STAB2: variants seen among roughly 807,000 people sequenced by gnomAD.
STAB2 encodes the protein stabilin 2, also known as stabilin-2.
In STAB2, 288 loss-of-function variants were observed where a neutral mutation model predicts 338.1. The ratio of observed to expected loss-of-function variants is 0.85; its 90% CI spans 0.77 to 0.94. STAB2 has a LOEUF of 0.94. Ranked by LOEUF, STAB2 falls within the 40% of genes least tolerant of loss-of-function variation. The pLI is 0.00. For synonymous variants in STAB2, 1,202 were observed against 1,193.3 expected (o/e 1.01, Z -0.15); for missense variants, 3,141 against 3,210.1 (o/e 0.98, Z 0.52).
intron 43 of STAB2, among the ~76,000 whole-genome samples, chr12:103,716,091 C>G (rs1880291121): frequency 6.6e-6 from 1 of 152,190 alleles, no homozygotes; most frequent in Non-Finnish European, 1.5e-5. Context: ...GGTACTAGGA[C>G]AAGGGGCTTC....
chr12:103,637,828 C>T (rs1460934743), intron 7 of STAB2, among the ~76,000 whole-genome samples, 188 bp from the exon 8 acceptor site: 3 of 152,188 alleles, frequency 2.0e-5, no homozygotes, highest in Non-Finnish European at 4.4e-5. Context: ...AATATATCAA[C>T]ACAATATCTG....
chr12:103,670,874 G>A lies in STAB2; in HGVS notation c.2371+67G>A. 15 of 1,308,718 alleles carry A rather than the reference G, an allele frequency of 1.1e-5. No homozygotes were observed. In the South Asian group the frequency reaches 1.9e-4, roughly 16 times the overall value. 81.1% of individuals were successfully genotyped at this position (1,308,718 alleles called of 1,614,324 possible). ...GTTCCCTCTCGTGCTGCAGCAGGGTGCTGGTGCAGGGCTGGTGTCTCAGGA... is the reference window on the plus strand; with the variant it reads ...GTTCCCTCTCGTGCTGCAGCAGGGTACTGGTGCAGGGCTGGTGTCTCAGGA... On this transcript the variant is annotated intron_variant, in intron 22 of 68. Coordinates refer to ENST00000388887, the MANE Select transcript of STAB2 (RefSeq NM_017564.10).
intron 6 of STAB2, 149 bp downstream of exon 6, chr12:103,631,842 T>C: frequency 7.4e-6 from 5 of 678,058 alleles, no homozygotes; most frequent in East Asian, 2.7e-5. Context: ...AAAGAGAATA[T>C]AGAAGAGAAA....
chr12:103,668,710 A>G lies in STAB2; in HGVS notation c.2153A>G (p.Tyr718Cys). The part of the protein sequence containing the change: ...FGSLKSGCAR[Y>C]CNATVKIPKC... ...AGCCTGAAGAGCGGCTGTGCCCGGT[A>G]CTGCAATGCCACTGTGAAGGTGAGG... The change falls in exon 20 of 69, where the codon TAC (tyrosine) becomes TGC (cysteine). Residue 718 changes from tyrosine to cysteine, a missense_variant. Coordinates refer to ENST00000388887, the MANE Select transcript of STAB2 (RefSeq NM_017564.10). 6.5e-7 allele frequency: 1 copy of G among 1,548,706 alleles called. No homozygotes were observed. Among genetic ancestry groups the G allele is most frequent in the South Asian group, 1.2e-5 (1 of 83,960 alleles).
chr12:103,623,727 A>G (rs1957338785), intron 5 of STAB2, among the ~76,000 whole-genome samples: 1 of 152,178 alleles, frequency 6.6e-6, no homozygotes, highest in South Asian at 2.1e-4. Context: ...TGGTTTTAAG[A>G]CACTAGGTGT....
intron 12 of STAB2, among the ~76,000 whole-genome samples, chr12:103,653,710 A>AGATG (rs61343465): frequency 0.59 from 73,026 of 122,794 alleles, 22,282 homozygotes; most frequent in Non-Finnish European, 0.63. Context: ...ATGGATGGAT[A>AGATG]GATGGATGGA....
Position 103,759,265 on chromosome 12 carries a change from C to T in STAB2, c.7240C>T (p.Leu2414Phe), listed in dbSNP as rs780016567. 1.4e-5 allele frequency: 22 copies of T among 1,613,964 alleles called. No homozygotes were observed. In the African/African-American group the frequency reaches 2.8e-4, roughly 21 times the overall value. Residue 2414 changes from leucine to phenylalanine, a missense_variant, in exon 65 of 69, where the codon CTC (leucine) becomes TTC (phenylalanine). Coordinates refer to ENST00000388887, the MANE Select transcript of STAB2 (RefSeq NM_017564.10). ...GCTCATCACTGCCAGCCAGGACCCA[C>T]TCCAACCGGTACAAAGTCTTCTGGG... ...KLLITASQDP[L>F]QPTETRFVDG...
chr12:103,638,296 A>T (rs1582876), intron 8 of STAB2, 84 bp downstream of exon 8: 412 of 1,413,668 alleles, frequency 2.9e-4, no homozygotes, highest in Non-Finnish European at 3.7e-4. Flanking sequence ...CTTCTATGCC[A>T]TCCCAATTCT....
chr12:103,664,764 G>A (rs1874927503), intron 18 of STAB2, among the ~76,000 whole-genome samples: 1 of 152,204 alleles, frequency 6.6e-6, no homozygotes, highest in Admixed American at 6.5e-5. Context: ...TTTAATTGAT[G>A]TAATGACTCT....
chr12:103,694,630 A>G (rs1187973151), intron 31 of STAB2, among the ~76,000 whole-genome samples: 1 of 152,150 alleles, frequency 6.6e-6, no homozygotes, highest in East Asian at 1.9e-4. Flanking sequence ...TTTCTACTGT[A>G]GTATGCTGTG....
intron 59 of STAB2, among the ~76,000 whole-genome samples, chr12:103,749,551 CG>C (rs1883401083): frequency 6.6e-6 from 1 of 151,764 alleles, no homozygotes; most frequent in African/African-American, 2.4e-5. Flanking sequence ...AAAAGCTGGC[CG>C]GGCACGGTGG....
At chr12:103,703,570 G>A (rs1879091513) in intron 35 of STAB2, among the ~76,000 whole-genome samples, 1 of 152,104 alleles carries the variant, frequency 6.6e-6, no homozygotes. Context: ...GTGCTGTGTT[G>A]GGCAGGATTT....
intron 63 of STAB2, among the ~76,000 whole-genome samples, chr12:103,757,617 CAG>C (rs1308191597): frequency 3.3e-5 from 5 of 152,120 alleles, no homozygotes; most frequent in East Asian, 3.9e-4. Flanking sequence ...AAAGTGTAAA[CAG>C]GGGAGAGGGA....
intron 3 of STAB2, among the ~76,000 whole-genome samples, chr12:103,600,571 T>C (rs1956939105): frequency 6.6e-6 from 1 of 152,180 alleles, no homozygotes; most frequent in Admixed American, 6.5e-5. Context: ...CTGCAAACAC[T>C]ATCTCATTGG....
chr12:103,692,826 A>C lies in STAB2; in HGVS notation c.3312A>C (p.Glu1104Asp). ...TGCATTTACAGAATATCACAATTGA[A>C]GGGGCCTCCATTGTCGATGGGGACA... ...LAKVDGNITI[E>D]GASIVDGDNA... is the part of the protein sequence containing the mutation. Residue 1104 changes from glutamate to aspartate, a missense_variant, in exon 31 of 69, where the codon GAA becomes GAC. Transcript: ENST00000388887. The C allele has an allele frequency of 6.2e-7, 1 of 1,613,494 alleles. No homozygotes were observed. Among genetic ancestry groups the C allele is most frequent in the South Asian group, 1.1e-5 (1 of 91,014 alleles).
intron 9 of STAB2, among the ~76,000 whole-genome samples, chr12:103,641,126 C>T (rs75340905): frequency 0.011 from 1,701 of 152,300 alleles, 12 homozygotes; most frequent in Non-Finnish European, 0.019. Context: ...AACATCGAAC[C>T]ATAGCATGAT....
rs938880717 is a variant in STAB2 at position 103,733,918 on chromosome 12, ACAT to A, written c.5460+740_5460+742del. Among the ~76,000 whole-genome samples, 14 of 145,488 alleles carry A rather than the reference ACAT, an allele frequency of 9.6e-5. No individual in the cohort carries two copies. The South Asian group carries it at 2.2e-3, about 23-fold the overall frequency. Reference sequence around the variant, plus strand: ...AGCAAGCACAATCACATAGGAGCAAACATCATAAAGGAGCAAGCATGATCACAT... The same window carrying A: ...AGCAAGCACAATCACATAGGAGCAAACATAAAGGAGCAAGCATGATCACAT... On this transcript the variant is annotated intron_variant, in intron 51 of 68. Coordinates refer to ENST00000388887, the MANE Select transcript of STAB2 (RefSeq NM_017564.10).
intron 19 of STAB2, 55 bp from the exon 20 acceptor site, chr12:103,668,588 C>A: frequency 6.8e-7 from 1 of 1,475,810 alleles, no homozygotes; most frequent in Non-Finnish European, 9.2e-7. Context: ...GTGTGCAGTG[C>A]CTGGAGGACC....
At chr12:103,658,702 C>T (rs922985285) in intron 15 of STAB2, among the ~76,000 whole-genome samples, 2 of 152,134 alleles carry the variant, frequency 1.3e-5, no homozygotes, top group African/African-American at 4.8e-5. Flanking sequence ...CAGCTCAGTG[C>T]TCCTCCCAGG....
Sources: gnomAD v4.1 joint callset for allele counts (sites outside exome capture counted in the v4.1 genomes callset) on GRCh38, gnomAD v4.1.1 for gene constraint, MANE v1.5 for transcripts, NCBI Gene and HGNC (gene_info 2026-07-23, HGNC 2026-07-21) for gene names.